Variants in EVC2 observed in about 807,000 individuals in gnomAD.
EVC2 encodes EvC ciliary complex subunit 2, also known as limbin.
In EVC2, 148 loss-of-function variants were observed where a neutral mutation model predicts 149.3. That is an observed-to-expected ratio of 0.99 (90% CI 0.87 to 1.14). EVC2 has a LOEUF of 1.14. Ranked by LOEUF, EVC2 falls within the 50% of genes most tolerant of loss-of-function variation. The pLI is 0.00. For missense variants in EVC2, 1,854 were observed against 1,627.3 expected, an observed-to-expected ratio of 1.14 and a Z score of -2.40; for synonymous variants, 776 against 649.9, an observed-to-expected ratio of 1.19 and a Z score of -2.95.
At position 5,694,329 on chromosome 4, in the gene EVC2, A is replaced by C. The variant is rs757058997; in HGVS notation, c.450+6T>G. The C allele has an allele frequency of 6.2e-7, 1 of 1,613,706 alleles. No homozygotes were observed. Among genetic ancestry groups the C allele is most frequent in the South Asian group, 1.1e-5 (1 of 91,068 alleles). On this transcript the variant is annotated splice_donor_region_variant and intron_variant, in intron 3 of 21. Transcript: ENST00000344408. ...TTTGTGTTAAAGCATTGAACTTAAT[A>C]CTTACCAGGCGGTGTGTTATAGGAG...
chr4:5,581,843 G>A (rs1430753448), intron 17 of EVC2, among the ~76,000 whole-genome samples: 1 of 152,206 alleles, frequency 6.6e-6, no homozygotes, highest in Non-Finnish European at 1.5e-5. Flanking sequence ...GCAGCCTTGG[G>A]ACCCTGCTCC....
At chr4:5,707,778 G>A (rs770482525) in intron 1 of EVC2, among the ~76,000 whole-genome samples, 1 of 152,096 alleles carries the variant, frequency 6.6e-6, no homozygotes, top group Non-Finnish European at 1.5e-5. Context: ...CACAGAGGGA[G>A]GGCCAGGGTG....
intron 16 of EVC2, among the ~76,000 whole-genome samples, chr4:5,594,244 A>C (rs1275533941): frequency 6.6e-6 from 1 of 152,184 alleles, no homozygotes; most frequent in Admixed American, 6.5e-5. Context: ...GCAGCTGGAG[A>C]TCTGAGAACG....
the EVC2 span, among the ~76,000 whole-genome samples, chr4:5,534,353 G>A: frequency 7.2e-5 from 11 of 152,198 alleles, no homozygotes; most frequent in Admixed American, 3.9e-4. Context: ...TTGGTTCAGC[G>A]AGTGAGTGGA....
At chr4:5,573,124 C>A (rs1360902296) in intron 19 of EVC2, among the ~76,000 whole-genome samples, 1 of 152,176 alleles carries the variant, frequency 6.6e-6, no homozygotes, top group Non-Finnish European at 1.5e-5. Context: ...CACTGTCACT[C>A]CAGTGCTAAC....
intron 19 of EVC2, among the ~76,000 whole-genome samples, chr4:5,570,039 A>G (rs1000012241): frequency 2.0e-5 from 3 of 152,082 alleles, no homozygotes; most frequent in Non-Finnish European, 2.9e-5. Flanking sequence ...TGGACTCTAC[A>G]TGAGTCTTCC....
At chr4:5,607,764 C>G (rs1049832054) in intron 16 of EVC2, among the ~76,000 whole-genome samples, 1 of 152,032 alleles carries the variant, frequency 6.6e-6, no homozygotes, top group African/African-American at 2.4e-5. Flanking sequence ...CTTCCAAATG[C>G]TTGATGGAAG....
At chr4:5,540,823 A>G (rs747955281), downstream of EVC2, among the ~76,000 whole-genome samples, 4 of 152,206 alleles carry the variant, frequency 2.6e-5, no homozygotes, top group Non-Finnish European at 4.4e-5. Context: ...TATATGAATT[A>G]TACCTCAATA....
At chr4:5,663,928 T>G (rs1225500714) in intron 8 of EVC2, among the ~76,000 whole-genome samples, 6 of 151,706 alleles carry the variant, frequency 4.0e-5, no homozygotes, top group South Asian at 2.1e-4. Flanking sequence ...CTCAAAAAAA[T>G]AAAGAAAGAA....
Position 5,696,190 on chromosome 4 carries a change from C to G in EVC2, c.283+1403G>C, listed in dbSNP as rs1010515237. Among the ~76,000 whole-genome samples, 8 of 152,206 alleles carry G rather than the reference C, an allele frequency of 5.3e-5. No individual in the cohort carries two copies. The highest frequency in any genetic ancestry group is 2.9e-5 in the Non-Finnish European group (2 of 68,032). On this transcript the variant is annotated intron_variant, in intron 2 of 21. Coordinates refer to ENST00000344408, the MANE Select transcript of EVC2 (RefSeq NM_147127.5). This position sits in a 1 kb window ranked among gnomAD's most constrained non-coding sequence, Gnocchi z 4.1. ...AGGGCACAAATGCTTGTGCAGCAAG[C>G]AACCAGGACATAAAGTCTTAAGGCC...
At chr4:5,573,622 C>G (rs1455755729) in intron 19 of EVC2, among the ~76,000 whole-genome samples, 1 of 152,144 alleles carries the variant, frequency 6.6e-6, no homozygotes, top group East Asian at 1.9e-4. Context: ...CTGGAGAAAC[C>G]GATGTTGGAT....
chr4:5,581,977 T>C (rs772595611), intron 17 of EVC2, among the ~76,000 whole-genome samples: 6 of 152,180 alleles, frequency 3.9e-5, no homozygotes, highest in East Asian at 3.9e-4. Flanking sequence ...AATGAAAGAG[T>C]TGGGTCTTGG....
chr4:5,615,594 T>A, intron 15 of EVC2, 50 bp from the exon 16 acceptor site: 6 of 1,613,512 alleles, frequency 3.7e-6, no homozygotes, highest in Non-Finnish European at 5.1e-6. Flanking sequence ...CACCAGCAAG[T>A]CCATGCAGCT....
At chr4:5,598,952 C>A (rs984755789) in intron 16 of EVC2, among the ~76,000 whole-genome samples, 17 of 152,072 alleles carry the variant, frequency 1.1e-4, no homozygotes, top group African/African-American at 4.1e-4. Flanking sequence ...TTTATGCAGC[C>A]AAAAGACACA....
Position 5,614,501 on chromosome 4 carries a change from G to A in EVC2, c.2829+921C>T, listed in dbSNP as rs1018037256. ...GGGTGGAATGAGTGGGAGAATCTACGGTGTTCGGGTAAGGCTTCTTGGAAG... is the reference window on the plus strand; with the variant it reads ...GGGTGGAATGAGTGGGAGAATCTACAGTGTTCGGGTAAGGCTTCTTGGAAG... On this transcript the variant is annotated intron_variant, in intron 16 of 21. Transcript: ENST00000344408. This position sits in a 1 kb window ranked among gnomAD's most constrained non-coding sequence, Gnocchi z 4.7. 7.2e-5 allele frequency among the ~76,000 whole-genome samples: 11 copies of A among 152,148 alleles called. No homozygotes were observed. Among genetic ancestry groups the A allele is most frequent in the African/African-American group, 2.4e-4 (10 of 41,428 alleles).
intron 6 of EVC2, among the ~76,000 whole-genome samples, chr4:5,681,720 A>G (rs949117776): frequency 5.9e-5 from 9 of 152,078 alleles, no homozygotes; most frequent in Admixed American, 3.3e-4. Flanking sequence ...ACTCAAACGC[A>G]CTTGATTCTC....
At chr4:5,581,242 T>G (rs974777241) in intron 17 of EVC2, among the ~76,000 whole-genome samples, 1 of 152,216 alleles carries the variant, frequency 6.6e-6, no homozygotes, top group Admixed American at 6.5e-5. Flanking sequence ...CTTGAAAATG[T>G]GAAAGCAGCC....
chr4:5,613,938 G>A lies in EVC2; in HGVS notation c.2829+1484C>T, dbSNP rs1050757916. ...TGGCTCTTGGCGAGATCGTGCATTC[G>A]TGTTCTGAGAAATACACCGGCACTA... is the stretch of plus-strand genomic sequence containing the variant. On this transcript the variant is annotated intron_variant, in intron 16 of 21. Coordinates refer to ENST00000344408, the MANE Select transcript of EVC2 (RefSeq NM_147127.5). This position sits in a 1 kb window ranked among gnomAD's most constrained non-coding sequence, Gnocchi z 4.6. Among the ~76,000 whole-genome samples, 15 of 152,212 alleles carry A rather than the reference G, an allele frequency of 9.9e-5. No homozygotes were observed. Among genetic ancestry groups the A allele is most frequent in the African/African-American group, 3.6e-4 (15 of 41,548 alleles).
intron 1 of EVC2, among the ~76,000 whole-genome samples, chr4:5,701,999 G>A (rs1190881621): frequency 6.6e-6 from 1 of 151,992 alleles, no homozygotes; most frequent in African/African-American, 2.4e-5. Context: ...CCACTTTCCT[G>A]CTCACACATC....
Sources: gnomAD v4.1 joint callset for allele counts (sites outside exome capture counted in the v4.1 genomes callset) on GRCh38, gnomAD v4.1.1 for gene constraint, Gnocchi (gnomAD v3.1) non-coding constraint, MANE v1.5 for transcripts, NCBI Gene and HGNC (gene_info 2026-07-23, HGNC 2026-07-21) for gene names.